Variants in ADAMTS18 observed in about 807,000 individuals in gnomAD.
The protein encoded by ADAMTS18 is A disintegrin and metalloproteinase with thrombospondin motifs 18.
Under a neutral mutation model 165.9 loss-of-function variants are expected in ADAMTS18, and 157 were observed. The ratio of observed to expected loss-of-function variants is 0.95; its 90% CI spans 0.83 to 1.08. ADAMTS18 has a LOEUF of 1.08. Among genes scored for constraint, ADAMTS18 ranks in the 50% least tolerant of loss-of-function variants. The pLI, the probability that ADAMTS18 is intolerant of heterozygous loss-of-function variation, is 0.00. For synonymous variants in ADAMTS18, 782 were observed against 578.2 expected, an observed-to-expected ratio of 1.35 and a Z score of -5.06; for missense variants, 2,040 against 1,534.0, an observed-to-expected ratio of 1.33 and a Z score of -5.51.
At chr16:77,354,140 A>T (rs1487695193) in intron 9 of ADAMTS18, among the ~76,000 whole-genome samples, 1 of 152,168 alleles carries the variant, frequency 6.6e-6, no homozygotes, top group African/African-American at 2.4e-5. Context: ...TTGGGATTTG[A>T]CAGGAGACAG....
chr16:77,331,907 C>G (rs1266243593), intron 12 of ADAMTS18, among the ~76,000 whole-genome samples: 1 of 152,182 alleles, frequency 6.6e-6, no homozygotes, highest in African/African-American at 2.4e-5. Context: ...GAATTTTTAT[C>G]TAACTCAGAC....
chr16:77,319,902 G>A lies in ADAMTS18; in HGVS notation c.2479C>T (p.Arg827Cys), dbSNP rs751194192. ...TTFEYQRSFN[R>C]PERLYAPGPT... ...CCTGGCGCGTACAGACGTTCCGGGCGGTTGAAAGAGCGCTGGTATTCAAAC... is the reference window on the plus strand; with the variant it reads ...CCTGGCGCGTACAGACGTTCCGGGCAGTTGAAAGAGCGCTGGTATTCAAAC... The change falls in exon 16 of 23, where the codon CGC becomes TGC. Residue 827 changes from arginine (R) to cysteine (C), a missense_variant. By Grantham distance (180) the Arg-to-Cys change is radical. Coordinates refer to ENST00000282849, the MANE Select transcript of ADAMTS18 (RefSeq NM_199355.4). The A allele has an allele frequency of 1.2e-5, 19 of 1,613,966 alleles. No homozygotes were observed. The highest frequency in any genetic ancestry group is 4.5e-5 in the East Asian group (2 of 44,888).
intron 20 of ADAMTS18, among the ~76,000 whole-genome samples, chr16:77,291,855 G>C (rs766320532): frequency 2.6e-5 from 4 of 152,192 alleles, no homozygotes; most frequent in South Asian, 2.1e-4. Flanking sequence ...GGCCTGAGGA[G>C]TTAGGAATCT....
At chr16:77,378,010 G>C (rs751930226) in intron 3 of ADAMTS18, among the ~76,000 whole-genome samples, 9 of 152,112 alleles carry the variant, frequency 5.9e-5, no homozygotes, top group Non-Finnish European at 8.8e-5. Flanking sequence ...AAAACCATTG[G>C]TAAAAGGATG....
intron 3 of ADAMTS18, among the ~76,000 whole-genome samples, chr16:77,400,819 A>G (rs1437386993): frequency 2.0e-5 from 3 of 152,070 alleles, no homozygotes; most frequent in Non-Finnish European, 4.4e-5. Flanking sequence ...CAGTGCCCTC[A>G]GAAGAATCCT....
chr16:77,344,725 C>A (rs1049321236), intron 10 of ADAMTS18, among the ~76,000 whole-genome samples: 1 of 138,388 alleles, frequency 7.2e-6, no homozygotes, highest in African/African-American at 2.7e-5. Flanking sequence ...TGGAGAGAAC[C>A]AGGAAAACAA....
chr16:77,308,864 T>G (rs1364669024), intron 16 of ADAMTS18, among the ~76,000 whole-genome samples: 3 of 152,208 alleles, frequency 2.0e-5, no homozygotes, highest in African/African-American at 7.2e-5. Flanking sequence ...ATTTAATTTC[T>G]TACAACACAC....
At chr16:77,388,777 A>G (rs1335152341) in intron 3 of ADAMTS18, among the ~76,000 whole-genome samples, 1 of 152,196 alleles carries the variant, frequency 6.6e-6, no homozygotes, top group Non-Finnish European at 1.5e-5. Flanking sequence ...AGGGAAGCAG[A>G]AAGGAGAAAC....
At position 77,282,800 on chromosome 16, in the gene ADAMTS18, TACTC is replaced by T. The variant is rs2055170570; in HGVS notation, c.*1152_*1155del. On this transcript the variant is annotated 3_prime_UTR_variant, in exon 23 of 23. Coordinates refer to ENST00000282849, the MANE Select transcript of ADAMTS18 (RefSeq NM_199355.4). ...ACAGCTGGCTTCTGATGACTGAAAA[TACTC>T]TTATTCAGTGAGGGTCTTGTCATAT... 6.6e-6 allele frequency: 1 copy of T among 152,462 alleles called. No homozygotes were observed. Among genetic ancestry groups the T allele is most frequent in the African/African-American group, 2.4e-5 (1 of 41,384 alleles). 9.4% of individuals were successfully genotyped at this position (152,462 alleles called of 1,614,324 possible). A position where few individuals can be genotyped will look rare whatever the true frequency, so the allele number is the denominator to read the frequency against.
intron 3 of ADAMTS18, among the ~76,000 whole-genome samples, chr16:77,393,979 T>G (rs975844725): frequency 6.6e-6 from 1 of 152,198 alleles, no homozygotes; most frequent in Non-Finnish European, 1.5e-5. Flanking sequence ...GAACCATACA[T>G]GTGGTCTAAT....
intron 16 of ADAMTS18, among the ~76,000 whole-genome samples, chr16:77,312,838 C>T (rs2562121): frequency 0.89 from 135,968 of 152,060 alleles, 60,808 homozygotes; most frequent in East Asian, 0.95. Flanking sequence ...ACTTTTACAC[C>T]GTTGGTGGGA....
At position 77,306,017 on chromosome 16, in the gene ADAMTS18, C is replaced by T. The variant is rs182076735; in HGVS notation, c.2533-5613G>A. Among the ~76,000 whole-genome samples, 452 of 152,294 alleles carry T rather than the reference C, an allele frequency of 3.0e-3. 4 individuals are homozygous for T. The highest frequency in any genetic ancestry group is 0.01 in the African/African-American group (423 of 41,560). Reference sequence around the variant, plus strand: ...GGGTACAGGAGCACCGCATCCCTCCCGTAATGGCACCACATCACAATAATG... The same window carrying T: ...GGGTACAGGAGCACCGCATCCCTCCTGTAATGGCACCACATCACAATAATG... On this transcript the variant is annotated intron_variant, in intron 16 of 22. Coordinates refer to ENST00000282849, the MANE Select transcript of ADAMTS18 (RefSeq NM_199355.4).
chr16:77,367,369 CACCCA>C, intron 4 of ADAMTS18, 67 bp downstream of exon 4: 1 of 1,585,332 alleles, frequency 6.3e-7, no homozygotes, highest in African/African-American at 1.3e-5. Context: ...AAAGCTTGTA[CACCCA>C]ACAGCACTCA....
rs554780775 is a variant in ADAMTS18, at chr16:77,422,196, C to T, written c.495+9099G>A. Among the ~76,000 whole-genome samples the T allele has an allele frequency of 2.6e-5, 4 of 152,120 alleles. No homozygotes were observed. In the East Asian group the frequency reaches 5.8e-4, roughly 22 times the overall value. On this transcript the variant is annotated intron_variant, in intron 3 of 22. Transcript: ENST00000282849. ...GTTTAGTCTTGTTTGGATACAGAGA[C>T]AAATTTAATGTGGTCCACTGAGGCC...
intron 3 of ADAMTS18, among the ~76,000 whole-genome samples, chr16:77,414,758 T>C (rs529085910): frequency 6.6e-6 from 1 of 152,294 alleles, no homozygotes; most frequent in South Asian, 2.1e-4. Flanking sequence ...AAGACACAAA[T>C]GAACTGCATA....
At chr16:77,322,038 C>T (rs1222051664) in intron 14 of ADAMTS18, among the ~76,000 whole-genome samples, 1 of 151,544 alleles carries the variant, frequency 6.6e-6, no homozygotes, top group Non-Finnish European at 1.5e-5. Context: ...ACCTGTAATC[C>T]CAGCTACTCA....
chr16:77,330,219 T>C (rs2056165673), intron 12 of ADAMTS18, among the ~76,000 whole-genome samples: 1 of 152,324 alleles, frequency 6.6e-6, no homozygotes, highest in South Asian at 2.1e-4. Flanking sequence ...ATGAGCTAAG[T>C]TGTGTTAGAG....
At chr16:77,285,261 C>T (rs2144546283) in intron 22 of ADAMTS18, among the ~76,000 whole-genome samples, 1 of 152,304 alleles carries the variant, frequency 6.6e-6, no homozygotes, top group East Asian at 1.9e-4. Context: ...CATCCTCCGC[C>T]TCATGTATTC....
chr16:77,354,213 T>C (rs547867548), intron 9 of ADAMTS18, among the ~76,000 whole-genome samples: 2 of 152,306 alleles, frequency 1.3e-5, no homozygotes, highest in East Asian at 3.9e-4. Context: ...TGACAATTTG[T>C]ACTGAGTCCC....
Sources: allele counts gnomAD v4.1 joint callset (sites outside exome capture counted in the v4.1 genomes callset), GRCh38; gene constraint gnomAD v4.1.1; transcripts MANE v1.5; gene names NCBI Gene and HGNC (gene_info 2026-07-23, HGNC 2026-07-21).